Variants in MEI4 observed in about 807,000 individuals in gnomAD.
MEI4 encodes meiotic double-stranded break formation protein 4, also known as meiosis-specific protein MEI4.
In MEI4, 27 loss-of-function variants were observed where a neutral mutation model predicts 31.4. That is an observed-to-expected ratio of 0.86 (90% CI 0.63 to 1.19). The LOEUF is 1.19. Among genes scored for constraint, MEI4 ranks in the 50% most tolerant of loss-of-function variants. MEI4 has a pLI of 0.00. For missense variants in MEI4, 329 were observed against 398.9 expected (o/e 0.82, Z 1.49); for synonymous variants, 122 against 145.4 (o/e 0.84, Z 1.16).
At position 77,905,819 on chromosome 6, in the gene MEI4, T is replaced by G. The variant is rs1428671890; in HGVS notation, c.901-17270T>G. On this transcript the variant is annotated intron_variant, in intron 4 of 4. Coordinates refer to ENST00000684080, the MANE Select transcript of MEI4 (RefSeq NM_001322247.2). Reference sequence around the variant, plus strand: ...CCAGCTTTTTTTTTTTTTAATAATATAAGATTTCTGTCCCTTTATATTTTT... The same window carrying G: ...CCAGCTTTTTTTTTTTTTAATAATAGAAGATTTCTGTCCCTTTATATTTTT... Among the ~76,000 whole-genome samples the G allele has an allele frequency of 7.9e-5, 12 of 151,058 alleles. No individual in the cohort carries two copies. The South Asian group carries it at 2.5e-3, about 31-fold the overall frequency.
At chr6:77,863,915 G>A (rs1319175366) in intron 4 of MEI4, among the ~76,000 whole-genome samples, 2 of 152,130 alleles carry the variant, frequency 1.3e-5, no homozygotes, top group Admixed American at 6.5e-5. Flanking sequence ...AAGAGAGTGG[G>A]GGCCAATATT....
chr6:77,659,905 T>A (rs1199119944), intron 1 of MEI4, among the ~76,000 whole-genome samples: 1 of 152,110 alleles, frequency 6.6e-6, no homozygotes, highest in African/African-American at 2.4e-5. Context: ...AATAGTAGTT[T>A]GTGTTGTGAG....
chr6:77,729,693 G>A (rs979497064), intron 2 of MEI4, among the ~76,000 whole-genome samples: 2 of 151,824 alleles, frequency 1.3e-5, no homozygotes, highest in Admixed American at 6.7e-5. Flanking sequence ...GGTACAAACA[G>A]TGTAGAGAAC....
rs184722432 is a variant in MEI4 at position 77,694,437 on chromosome 6, G to A, written c.232+3534G>A. Among the ~76,000 whole-genome samples, 58 of 108,646 alleles carry A rather than the reference G, an allele frequency of 5.3e-4. No homozygotes were observed. The East Asian group carries it at 0.012, about 23-fold the overall frequency. 71.3% of individuals were successfully genotyped at this position (108,646 alleles called of 152,430 possible). A position where few individuals can be genotyped will look rare whatever the true frequency, so the allele number is the denominator to read the frequency against. Reference sequence around the variant, plus strand: ...TTCCCCCCACCCCACAACAGACCCCGGAGTGTGATGTTCCCCTTCCTGTGT... The same window carrying A: ...TTCCCCCCACCCCACAACAGACCCCAGAGTGTGATGTTCCCCTTCCTGTGT... On this transcript the variant is annotated intron_variant, in intron 2 of 4. Transcript: ENST00000684080.
intron 4 of MEI4, among the ~76,000 whole-genome samples, chr6:77,842,799 G>A (rs1770397025): frequency 1.3e-5 from 2 of 152,002 alleles, no homozygotes; most frequent in South Asian, 4.1e-4. Context: ...ATAAACATCT[G>A]TAGTCCATAA....
chr6:77,684,684 CATT>C (rs35488641), intron 1 of MEI4, among the ~76,000 whole-genome samples: 57,294 of 151,716 alleles, frequency 0.38, 12,123 homozygotes, highest in East Asian at 0.5. Context: ...GACTGTATCT[CATT>C]GTTGTTTGTG....
At chr6:77,758,120 A>T (rs1483557754) in intron 2 of MEI4, among the ~76,000 whole-genome samples, 1 of 147,430 alleles carries the variant, frequency 6.8e-6, no homozygotes, top group Non-Finnish European at 1.5e-5. Context: ...GTGCCACTGC[A>T]CTCCAGCTTG....
chr6:77,736,920 T>C (rs1442228293), intron 2 of MEI4, among the ~76,000 whole-genome samples: 2 of 151,130 alleles, frequency 1.3e-5, no homozygotes, highest in African/African-American at 4.9e-5. Context: ...TAGAGAGCTA[T>C]GGGTACTAGG....
intron 4 of MEI4, among the ~76,000 whole-genome samples, chr6:77,853,171 C>A (rs12204414): frequency 0.17 from 25,627 of 152,026 alleles, 2,745 homozygotes; most frequent in Non-Finnish European, 0.22. Flanking sequence ...GCACTCCAGC[C>A]CTGCAACAGG....
chr6:77,865,929 G>C (rs1277252418), intron 4 of MEI4, among the ~76,000 whole-genome samples: 1 of 152,146 alleles, frequency 6.6e-6, no homozygotes, highest in Non-Finnish European at 1.5e-5. Flanking sequence ...TTCAACATAT[G>C]CAAAGCAATA....
chr6:77,733,638 T>C (rs1429635598), intron 2 of MEI4, among the ~76,000 whole-genome samples: 1 of 151,986 alleles, frequency 6.6e-6, no homozygotes, highest in African/African-American at 2.4e-5. Context: ...TCAGTTCTGC[T>C]CTGATTTTAG....
At chr6:77,734,735 G>T (rs143176746) in intron 2 of MEI4, among the ~76,000 whole-genome samples, 42,252 of 151,734 alleles carry the variant, frequency 0.28, 6,766 homozygotes, top group South Asian at 0.39. Flanking sequence ...AGTCTCGATG[G>T]TCTTTACCTT....
chr6:77,760,004 G>A lies in MEI4; in HGVS notation c.233-1126G>A, dbSNP rs533930432. 2.0e-5 allele frequency among the ~76,000 whole-genome samples: 3 copies of A among 152,156 alleles called. No homozygotes were observed. In the South Asian group the frequency reaches 6.2e-4, roughly 32 times the overall value. On this transcript the variant is annotated intron_variant, in intron 2 of 4. Transcript: ENST00000684080. ...ATGAGAACTTTTCAATTTGGTTTAT[G>A]CATTTTACTGATAATCATTTTAAAA...
intron 4 of MEI4, among the ~76,000 whole-genome samples, chr6:77,866,442 A>T (rs1370826608): frequency 6.6e-6 from 1 of 152,214 alleles, no homozygotes; most frequent in Admixed American, 6.6e-5. Context: ...AATAACAGAC[A>T]AACAGCCGAA....
chr6:77,734,295 A>T (rs1335224619), intron 2 of MEI4, among the ~76,000 whole-genome samples: 1 of 145,342 alleles, frequency 6.9e-6, no homozygotes, highest in Non-Finnish European at 1.5e-5. Context: ...GGCTTGCTTT[A>T]TGAATCTGGG....
At chr6:77,742,678 G>C (rs1487652108) in intron 2 of MEI4, among the ~76,000 whole-genome samples, 4 of 152,158 alleles carry the variant, frequency 2.6e-5, no homozygotes, top group Admixed American at 2.0e-4. Flanking sequence ...TGGTGTTTTA[G>C]ACCTGAAGTC....
chr6:77,804,480 C>T (rs10455341), intron 3 of MEI4, among the ~76,000 whole-genome samples: 42,802 of 152,084 alleles, frequency 0.28, 6,812 homozygotes, highest in South Asian at 0.39. Context: ...CTTTCCGACA[C>T]TCGCCAGTGA....
intron 2 of MEI4, 93 bp from the exon 3 acceptor site, chr6:77,761,037 C>T: frequency 2.3e-6 from 2 of 861,902 alleles, no homozygotes; most frequent in Non-Finnish European, 3.1e-6. Context: ...TTATATACTT[C>T]ATTTCTTATT....
intron 2 of MEI4, among the ~76,000 whole-genome samples, chr6:77,697,989 C>T (rs976544032): frequency 3.1e-4 from 47 of 152,162 alleles, no homozygotes; most frequent in Non-Finnish European, 4.3e-4. Flanking sequence ...GTTAGCTCTT[C>T]TTGTTGAATT....
Sources: allele counts gnomAD v4.1 joint callset (sites outside exome capture counted in the v4.1 genomes callset), GRCh38; gene constraint gnomAD v4.1.1; transcripts MANE v1.5; gene names NCBI Gene and HGNC (gene_info 2026-07-23, HGNC 2026-07-21).